The following KDR variants were observed in gnomAD, a reference collection of about 807,000 sequenced individuals.
KDR encodes kinase insert domain receptor.
Under a neutral mutation model 160.9 loss-of-function variants are expected in KDR, and 43 were observed. The ratio of observed to expected loss-of-function variants is 0.27; its 90% CI spans 0.21 to 0.34. The LOEUF (loss-of-function observed/expected upper bound fraction) is 0.34, where lower values mean the gene tolerates loss of function less well. Ranked by LOEUF, KDR falls within the 10% of genes least tolerant of loss-of-function variation. The pLI is 1.00. For missense variants in KDR, 1,469 were observed against 1,666.4 expected (o/e 0.88, Z 2.06); for synonymous variants, 617 against 600.1 (o/e 1.03, Z -0.41).
At chr4:55,090,907 T>G (rs970556940) in intron 22 of KDR, among the ~76,000 whole-genome samples, 5 of 134,748 alleles carry the variant, frequency 3.7e-5, no homozygotes, top group African/African-American at 1.4e-4. Context: ...CAGGCTGGAG[T>G]GCAGTGGTGC....
rs1399910835 is a variant in KDR, at chr4:55,104,624, T to C, written c.1987+19A>G. The C allele has an allele frequency of 3.1e-6, 5 of 1,601,824 alleles. No individual in the cohort carries two copies. The highest frequency in any genetic ancestry group is 3.3e-5 in the Admixed American group (2 of 59,792). The stretch of plus-strand genomic sequence containing the variant: ...CATTCCAACTGCCTCTGCACAATGA[T>C]CCAGAATTGTCTCCCTACCTAGGAC... On this transcript the variant is annotated intron_variant, in intron 13 of 29. Coordinates refer to ENST00000263923, the MANE Select transcript of KDR (RefSeq NM_002253.4).
At chr4:55,108,535 C>T (rs1043721968) in intron 9 of KDR, among the ~76,000 whole-genome samples, 1 of 152,164 alleles carries the variant, frequency 6.6e-6, no homozygotes, top group Non-Finnish European at 1.5e-5. Context: ...ATGACTCGCC[C>T]AAGGTCACTC....
At chr4:55,115,448 T>A in intron 3 of KDR, 37 bp from the exon 4 acceptor site, 9 of 1,132,268 alleles carry the variant, frequency 7.9e-6, no homozygotes, top group Non-Finnish European at 1.2e-5. Flanking sequence ...GAGTTAATAG[T>A]ATTTACTAGA....
intron 22 of KDR, among the ~76,000 whole-genome samples, chr4:55,091,788 G>A (rs1325019117): frequency 6.6e-6 from 1 of 152,200 alleles, no homozygotes; most frequent in African/African-American, 2.4e-5. Flanking sequence ...TTAATTTGAA[G>A]TATTGTTACC....
At chr4:55,093,837 T>C (rs1402111390) in intron 21 of KDR, among the ~76,000 whole-genome samples, 1 of 152,158 alleles carries the variant, frequency 6.6e-6, no homozygotes, top group Non-Finnish European at 1.5e-5. Context: ...AGAAATACAG[T>C]GTGTCCTGGA....
chr4:55,116,654 G>T lies in KDR; in HGVS notation c.359-1243C>A, dbSNP rs1720742805. Among the ~76,000 whole-genome samples, 4 of 152,122 alleles carry T rather than the reference G, an allele frequency of 2.6e-5. No individual in the cohort carries two copies. In the South Asian group the frequency reaches 8.3e-4, roughly 32 times the overall value. ...AAGAAAGAGTTAATTAAACCACAGG[G>T]GACAAAGGCAGCTAATTCCCTGCAA... On this transcript the variant is annotated intron_variant, in intron 3 of 29. Transcript: ENST00000263923.
chr4:55,090,249 G>A (rs1344456298), intron 22 of KDR, among the ~76,000 whole-genome samples, 171 bp from the exon 23 acceptor site: 1 of 152,130 alleles, frequency 6.6e-6, no homozygotes, highest in Non-Finnish European at 1.5e-5. Context: ...GAGCTTTGCT[G>A]AGACACACAT....
chr4:55,096,230 T>A lies in KDR; in HGVS notation c.2727A>T (p.Gly909=). The A allele has an allele frequency of 6.3e-7, 1 of 1,598,244 alleles. No homozygotes were observed. The highest frequency in any genetic ancestry group is 8.6e-7 in the Non-Finnish European group (1 of 1,166,254). Reference sequence around the variant, plus strand: ...CCAAAACCACCCACAGTTACTCACCTCCTGGCTTGGTACAGGCACCTAGAA... The same window carrying A: ...CCAAAACCACCCACAGTTACTCACCACCTGGCTTGGTACAGGCACCTAGAA... The part of the protein sequence containing the change: ...VNLLGACTKP[G]GPLMVIVEFC... Residue 909 remains glycine, a splice_region_variant and synonymous_variant, in exon 19 of 30, where the codon GGA becomes GGT. Coordinates refer to ENST00000263923, the MANE Select transcript of KDR (RefSeq NM_002253.4).
At chr4:55,105,348 G>A (rs983059738) in intron 12 of KDR, among the ~76,000 whole-genome samples, 3 of 152,186 alleles carry the variant, frequency 2.0e-5, no homozygotes, top group Non-Finnish European at 4.4e-5. Flanking sequence ...TTATGCCAAT[G>A]AATTAGCCCT....
chr4:55,104,460 C>T (rs2110022547), intron 13 of KDR, 183 bp downstream of exon 13: 1 of 640,990 alleles, frequency 1.6e-6, no homozygotes, highest in Non-Finnish European at 2.8e-6. Flanking sequence ...TTATTTTCTC[C>T]TTTCGATATA....
chr4:55,113,238 G>T, intron 7 of KDR, 66 bp downstream of exon 7: 2 of 1,517,892 alleles, frequency 1.3e-6, no homozygotes, highest in South Asian at 2.2e-5. Context: ...ATCACTAAGT[G>T]ACCTAAATTT....
intron 25 of KDR, 137 bp downstream of exon 25, chr4:55,089,237 A>T: frequency 1.4e-6 from 1 of 711,264 alleles, no homozygotes; most frequent in East Asian, 2.7e-5. Flanking sequence ...CATGCTTGAA[A>T]TTATCAAGAA....
intron 15 of KDR, 90 bp downstream of exon 15, chr4:55,101,807 G>A (rs1011582283): frequency 8.9e-7 from 1 of 1,128,150 alleles, no homozygotes; most frequent in African/African-American, 1.5e-5. Flanking sequence ...CTCCATCCAT[G>A]CAGCTGCAAA....
In KDR at chr4:55,103,065, G is replaced by T. The variant is rs535436333; in HGVS notation, c.1988-557C>A. Among the ~76,000 whole-genome samples the T allele has an allele frequency of 9.2e-5, 14 of 152,224 alleles. No individual in the cohort carries two copies. The South Asian group carries it at 2.9e-3, about 32-fold the overall frequency. ...CATTAAACCACTTGTCCATGTCCCT[G>T]CAACTAAGTAAACAGTTGAACTGTT... On this transcript the variant is annotated intron_variant, in intron 13 of 29. Transcript: ENST00000263923.
chr4:55,086,035 T>A (rs2110008141), intron 27 of KDR, among the ~76,000 whole-genome samples: 1 of 152,330 alleles, frequency 6.6e-6, no homozygotes, highest in Middle Eastern at 3.4e-3. Context: ...GAGGCAATAA[T>A]GGTGTGTGGG....
chr4:55,098,843 CTT>C (rs1365775168), intron 15 of KDR, 40 bp from the exon 16 acceptor site: 1 of 1,458,938 alleles, frequency 6.9e-7, no homozygotes, highest in Non-Finnish European at 9.6e-7. Flanking sequence ...CAGTTGGAAA[CTT>C]ATACTTTTTG....
chr4:55,083,234 G>C (rs1456421267), intron 27 of KDR, among the ~76,000 whole-genome samples: 1 of 152,128 alleles, frequency 6.6e-6, no homozygotes, highest in African/African-American at 2.4e-5. Context: ...GCTGTCTCAG[G>C]AAAGAGCAGT....
chr4:55,101,889 C>T lies in KDR; in HGVS notation c.2266+8G>A. 1 of 1,611,260 alleles carries T rather than the reference C, an allele frequency of 6.2e-7. No individual in the cohort carries two copies. Among genetic ancestry groups the T allele is most frequent in the Non-Finnish European group, 8.5e-7 (1 of 1,178,412 alleles). ...TATATGTACCACATTTTTTTTTATCCCACTGACCTTCTATTATGAAAAATG... is the reference window on the plus strand; with the variant it reads ...TATATGTACCACATTTTTTTTTATCTCACTGACCTTCTATTATGAAAAATG... On this transcript the variant is annotated splice_region_variant and intron_variant, in intron 15 of 29. Transcript: ENST00000263923.
intron 3 of KDR, among the ~76,000 whole-genome samples, chr4:55,116,203 G>A (rs1720732888): frequency 6.6e-6 from 1 of 152,056 alleles, no homozygotes; most frequent in Non-Finnish European, 1.5e-5. Context: ...GATCACTTGA[G>A]GTCAGGAGTT....
Sources: gnomAD v4.1 joint callset for allele counts (sites outside exome capture counted in the v4.1 genomes callset) on GRCh38, gnomAD v4.1.1 for gene constraint, MANE v1.5 for transcripts, NCBI Gene and HGNC (gene_info 2026-07-23, HGNC 2026-07-21) for gene names.